NEK8: variants seen among roughly 807,000 people sequenced by gnomAD.
NEK8 encodes the protein serine/threonine-protein kinase Nek8.
A neutral mutation model predicts 77.2 loss-of-function variants in NEK8; 51 were observed. The ratio of observed to expected loss-of-function variants is 0.66; its 90% CI spans 0.53 to 0.83. The LOEUF is 0.83. Ranked by LOEUF, NEK8 falls within the 40% of genes least tolerant of loss-of-function variation. The pLI is 0.00. For missense variants in NEK8, 787 were observed against 909.2 expected (o/e 0.87, Z 1.73); for synonymous variants, 365 against 363.2 (o/e 1.00, Z -0.06).
Position 28,741,713 on chromosome 17 carries a change from C to A in NEK8, c.2050+142C>A. Reference sequence around the variant, plus strand: ...AAAAGCAGAAGCTGCGGTTGAAAAGCTTCAAGCTTCCTGCCTGGGGTGGCC... The same window carrying A: ...AAAAGCAGAAGCTGCGGTTGAAAAGATTCAAGCTTCCTGCCTGGGGTGGCC... On this transcript the variant is annotated intron_variant, in intron 14 of 14. Transcript: ENST00000268766. This position sits in a 1 kb window ranked among gnomAD's most constrained non-coding sequence, Gnocchi z 4.5. The A allele has an allele frequency of 1.7e-6, 2 of 1,184,006 alleles. No individual in the cohort carries two copies. The highest frequency in any genetic ancestry group is 2.5e-6 in the Non-Finnish European group (2 of 804,310). 73.3% of individuals were successfully genotyped at this position (1,184,006 alleles called of 1,614,324 possible).
At position 28,737,828 on chromosome 17, in the gene NEK8, G is replaced by C; in HGVS notation, c.899G>C (p.Arg300Pro). The change falls in exon 7 of 15, where the codon CGG becomes CCG. Residue 300 changes from arginine (R) to proline (P), a missense_variant. Transcript: ENST00000268766. This position sits in a 1 kb window ranked among gnomAD's most constrained non-coding sequence, Gnocchi z 4.8. ...TGCACTGTACCTGCAGGTATCCCCC[G>C]GGGACCTGTGAGGCCAGCCATCCCA... The part of the protein sequence containing the change: ...TTSVRCRGIP[R>P]GPVRPAIPPP... The C allele has an allele frequency of 6.2e-7, 1 of 1,614,090 alleles. No individual in the cohort carries two copies. Among genetic ancestry groups the C allele is most frequent in the Non-Finnish European group, 8.5e-7 (1 of 1,180,004 alleles).
intron 4 of NEK8, among the ~76,000 whole-genome samples, chr17:28,736,653 G>A (rs2034368253): frequency 6.6e-6 from 1 of 152,108 alleles, no homozygotes; most frequent in Admixed American, 6.6e-5. Flanking sequence ...TGAGTTCTTT[G>A]TAGATTCTGG....
chr17:28,741,015 A>T lies in NEK8; in HGVS notation c.1732+30A>T. On this transcript the variant is annotated intron_variant, in intron 12 of 14. Transcript: ENST00000268766. This position sits in a 1 kb window ranked among gnomAD's most constrained non-coding sequence, Gnocchi z 4.5. ...GGAGGACTTGGGCTCTGGAGGTCAG[A>T]GGGGGACTCACGGTCTCCTTGGTAC... 6.2e-7 allele frequency: 1 copy of T among 1,614,162 alleles called. No homozygotes were observed. Among genetic ancestry groups the T allele is most frequent in the Non-Finnish European group, 8.5e-7 (1 of 1,180,012 alleles).
At position 28,733,233 on chromosome 17, in the gene NEK8, G is replaced by A. The variant is rs142944503; in HGVS notation, c.48-750G>A. Among the ~76,000 whole-genome samples the A allele has an allele frequency of 4.6e-5, 7 of 152,190 alleles. No individual in the cohort carries two copies. The East Asian group carries it at 1.4e-3, about 29-fold the overall frequency. On this transcript the variant is annotated intron_variant, in intron 1 of 14. Coordinates refer to ENST00000268766, the MANE Select transcript of NEK8 (RefSeq NM_178170.3). ...TTTTAATAACTGGAGGATGATGGTA[G>A]CATTTACTGAGATGGAAGAGACTGA... is the stretch of plus-strand genomic sequence containing the variant.
intron 4 of NEK8, among the ~76,000 whole-genome samples, chr17:28,736,636 ATTTG>A (rs1344771722): frequency 1.3e-5 from 2 of 152,040 alleles, no homozygotes; most frequent in Non-Finnish European, 2.9e-5. Context: ...TTTCTTGTAA[ATTTG>A]TTTGAGTTCT....
rs1327129944 is a variant in NEK8, at chr17:28,738,246, G to GTGAGTT, written c.1222+2_1222+7dup. The stretch of plus-strand genomic sequence containing the variant: ...GACTTCTTCACTGCCTGCCTGACTG[G>GTGAGTT]TGAGTTGTCGGGCCTACCTTGTGGG... On this transcript the variant is annotated splice_donor_variant, in intron 8 of 14. Coordinates refer to ENST00000268766, the MANE Select transcript of NEK8 (RefSeq NM_178170.3). LOFTEE classifies it high-confidence loss of function. 1 of 1,614,154 alleles carries GTGAGTT rather than the reference G, an allele frequency of 6.2e-7. No individual in the cohort carries two copies. Among genetic ancestry groups the GTGAGTT allele is most frequent in the East Asian group, 2.2e-5 (1 of 44,886 alleles).
At chr17:28,739,290 C>G (rs1401077608) in intron 10 of NEK8, 89 bp downstream of exon 10, 11 of 851,818 alleles carry the variant, frequency 1.3e-5, no homozygotes, top group Non-Finnish European at 2.3e-5. Context: ...ACAGCACATT[C>G]TCTCTTCCCT....
At chr17:28,731,798 G>A (rs1310691235) in intron 1 of NEK8, among the ~76,000 whole-genome samples, 1 of 150,348 alleles carries the variant, frequency 6.7e-6, no homozygotes, top group Non-Finnish European at 1.5e-5. Context: ...GTAGAGACGG[G>A]GTTTCACCAT....
At chr17:28,738,403 C>T (rs988959671) in intron 8 of NEK8, among the ~76,000 whole-genome samples, 158 bp downstream of exon 8, 5 of 152,334 alleles carry the variant, frequency 3.3e-5, no homozygotes, top group South Asian at 2.1e-4. Flanking sequence ...CCTTATACAA[C>T]CTCCTTTACC....
Position 28,740,564 on chromosome 17 carries a change from T to A in NEK8, c.1519T>A (p.Ser507Thr). 6 of 1,614,174 alleles carry A rather than the reference T, an allele frequency of 3.7e-6. No homozygotes were observed. The highest frequency in any genetic ancestry group is 4.2e-6 in the Non-Finnish European group (5 of 1,180,014). ...AQRVVCGIDS[S>T]MILTVPGQAL... Reference sequence around the variant, plus strand: ...GCGAGTTGTATGTGGTATCGATTCCTCCATGATCCTCACTGTGCCTGGCCA... The same window carrying A: ...GCGAGTTGTATGTGGTATCGATTCCACCATGATCCTCACTGTGCCTGGCCA... Residue 507 changes from serine (S) to threonine (T), a missense_variant, in exon 11 of 15, where the codon TCC becomes ACC. Transcript: ENST00000268766. This position sits in a 1 kb window ranked among gnomAD's most constrained non-coding sequence, Gnocchi z 4.7.
At position 28,737,747 on chromosome 17, in the gene NEK8, A is replaced by G. The variant is rs1303903060; in HGVS notation, c.889+11A>G. On this transcript the variant is annotated intron_variant, in intron 6 of 14. Coordinates refer to ENST00000268766, the MANE Select transcript of NEK8 (RefSeq NM_178170.3). The surrounding 1 kb of genome is among the most constrained non-coding windows in gnomAD (Gnocchi z 4.8). ...GTGTCCGCTGCAGAGGTAAGTGGGA[A>G]GAGGCCGCCAGTCCCCATGGATGCC... 1.2e-6 allele frequency: 2 copies of G among 1,614,162 alleles called. No homozygotes were observed. Among genetic ancestry groups the G allele is most frequent in the Admixed American group, 3.3e-5 (2 of 60,032 alleles).
chr17:28,731,612 T>C (rs201119191), intron 1 of NEK8, among the ~76,000 whole-genome samples: 1 of 122,438 alleles, frequency 8.2e-6, no homozygotes, highest in African/African-American at 3.2e-5. Flanking sequence ...TTCTTTCTTT[T>C]TTTTTTTCTG....
chr17:28,734,393 G>T (rs1443855335), intron 2 of NEK8: 1 of 612,940 alleles, frequency 1.6e-6, no homozygotes. Flanking sequence ...TTGTTGGCTG[G>T]GCACGGTGGC....
chr17:28,742,321 C>T lies in NEK8; in HGVS notation c.*334C>T, dbSNP rs575583062. On this transcript the variant is annotated 3_prime_UTR_variant, in exon 15 of 15. Transcript: ENST00000268766. ...TAAAAAGGCTGAAGGCAGCCGGGCGCAGTGGCTCACGCCTGTAATCCCAGC... is the reference window on the plus strand; with the variant it reads ...TAAAAAGGCTGAAGGCAGCCGGGCGTAGTGGCTCACGCCTGTAATCCCAGC... 9.1e-6 allele frequency: 4 copies of T among 437,726 alleles called. No individual in the cohort carries two copies. The highest frequency in any genetic ancestry group is 1.3e-5 in the Non-Finnish European group (3 of 234,258). 27.1% of individuals were successfully genotyped at this position (437,726 alleles called of 1,614,324 possible).
rs1597806728 is a variant in NEK8 at position 28,737,885 on chromosome 17, G to A, written c.956G>A (p.Gly319Asp). The change falls in exon 7 of 15, where the codon GGT (glycine) becomes GAT (aspartate). Residue 319 changes from glycine (G) to aspartate (D), a missense_variant. Physicochemically the swap from Gly to Asp is moderately conservative, Grantham distance 94 (BLOSUM62 -1). Transcript: ENST00000268766. This position sits in a 1 kb window ranked among gnomAD's most constrained non-coding sequence, Gnocchi z 4.8. ...PPLSSVYAWG[G>D]GLGTPLRLPM... ...CTGTCGTCAGTGTATGCCTGGGGTG[G>A]TGGGCTGGGCACCCCCCTGCGGCTG... 6.2e-7 allele frequency: 1 copy of A among 1,613,850 alleles called. No homozygotes were observed. The highest frequency in any genetic ancestry group is 1.3e-5 in the African/African-American group (1 of 75,044).
At chr17:28,730,712 T>TAA (rs1369772591) in intron 1 of NEK8, among the ~76,000 whole-genome samples, 1 of 151,714 alleles carries the variant, frequency 6.6e-6, no homozygotes, top group African/African-American at 2.4e-5. Context: ...GCTTAGGAGT[T>TAA]AGAGACCAGC....
chr17:28,735,100 C>G (rs1268995611), intron 3 of NEK8, 96 bp downstream of exon 3: 1 of 1,527,640 alleles, frequency 6.5e-7, no homozygotes, highest in Non-Finnish European at 9.0e-7. Context: ...ACCCTTGGCC[C>G]TTTGGCCCCT....
In NEK8 at chr17:28,740,854, T is replaced by A. The variant is rs1275673550; in HGVS notation, c.1601T>A (p.Leu534Gln). The A allele has an allele frequency of 1.2e-6, 2 of 1,613,836 alleles. No homozygotes were observed. Among genetic ancestry groups the A allele is most frequent in the Non-Finnish European group, 1.7e-6 (2 of 1,180,004 alleles). The change falls in exon 12 of 15, where the codon CTG becomes CAG. Residue 534 changes from leucine (L) to glutamine (Q), a missense_variant. By Grantham distance (113) the Leu-to-Gln change is moderately radical. Transcript: ENST00000268766. This position sits in a 1 kb window ranked among gnomAD's most constrained non-coding sequence, Gnocchi z 4.7. ...AAGCTGGGCCTGGACCACCTCTCCC[T>A]GGGGGAGGAGCCTGTCCCCCACCAG... ...FNKLGLDHLS[L>Q]GEEPVPHQQV...
At chr17:28,731,529 C>T (rs1438485550) in intron 1 of NEK8, among the ~76,000 whole-genome samples, 2 of 152,002 alleles carry the variant, frequency 1.3e-5, no homozygotes, top group African/African-American at 4.8e-5. Context: ...CAGAGTGAGA[C>T]TCCTTCTCAA....
Sources: gnomAD v4.1 joint callset for allele counts (sites outside exome capture counted in the v4.1 genomes callset) on GRCh38, gnomAD v4.1.1 for gene constraint, Gnocchi (gnomAD v3.1) non-coding constraint, MANE v1.5 for transcripts, NCBI Gene and HGNC (gene_info 2026-07-23, HGNC 2026-07-21) for gene names.